WASF2: variants seen among roughly 807,000 people sequenced by gnomAD.
WASF2 encodes WASP family member 2, also known as actin-binding protein WASF2.
Under a neutral mutation model 45.0 loss-of-function variants are expected in WASF2, and 14 were observed. The ratio of observed to expected loss-of-function variants is 0.31; its 90% confidence interval spans 0.21 to 0.49. WASF2 has a LOEUF of 0.49. Among genes scored for constraint, WASF2 ranks in the 20% least tolerant of loss-of-function variants. The pLI is 0.99. For synonymous variants in WASF2, 200 were observed against 236.3 expected (o/e 0.85, Z 1.41); for missense variants, 439 against 636.1 (o/e 0.69, Z 3.33).
chr1:27,440,243 G>A (rs183861275), intron 1 of WASF2, among the ~76,000 whole-genome samples: 4 of 152,286 alleles, frequency 2.6e-5, no homozygotes, highest in Non-Finnish European at 5.9e-5. Context: ...GTTAAAATGG[G>A]GTGGGTATGG....
At chr1:27,489,117 A>C (rs1329647671) in intron 1 of WASF2, among the ~76,000 whole-genome samples, 1 of 151,868 alleles carries the variant, frequency 6.6e-6, no homozygotes, top group Non-Finnish European at 1.5e-5. Context: ...TTTCCCTCTC[A>C]GAGGCTCTAG....
intron 1 of WASF2, among the ~76,000 whole-genome samples, chr1:27,434,570 G>A (rs141693387): frequency 6.7e-4 from 102 of 152,250 alleles, no homozygotes; most frequent in African/African-American, 2.4e-3. Context: ...TAGGACCTGT[G>A]AGATCTAGAA....
At chr1:27,424,300 C>G (rs2148109054) in intron 2 of WASF2, among the ~76,000 whole-genome samples, 1 of 152,326 alleles carries the variant, frequency 6.6e-6, no homozygotes, top group East Asian at 1.9e-4. Context: ...CAAATGTAAC[C>G]TCTTCTGTGA....
At chr1:27,474,436 G>A (rs1267469656) in intron 1 of WASF2, among the ~76,000 whole-genome samples, 1 of 151,944 alleles carries the variant, frequency 6.6e-6, no homozygotes, top group Non-Finnish European at 1.5e-5. Flanking sequence ...AGGAGTTCAA[G>A]AATAGCCTAG....
At chr1:27,483,582 G>A (rs1247473022) in intron 1 of WASF2, among the ~76,000 whole-genome samples, 3 of 152,122 alleles carry the variant, frequency 2.0e-5, no homozygotes, top group African/African-American at 7.2e-5. Flanking sequence ...AGAGGTTACA[G>A]TGAGCCGAGA....
chr1:27,489,971 G>A lies in WASF2; in HGVS notation c.-44+15C>T, dbSNP rs1271753143. 1 of 152,272 alleles carries A rather than the reference G, an allele frequency of 6.6e-6. No individual in the cohort carries two copies. The highest frequency in any genetic ancestry group is 6.5e-5 in the Admixed American group (1 of 15,288). The allele number at this position is 152,272 out of a possible 1,614,324, so 9.4% of individuals were successfully genotyped here. ...GCCTCCCAGCGGGGTCTACCCAAGG[G>A]GACTTGTTGCTCACCTGGCCTCCCG... On this transcript the variant is annotated intron_variant, in intron 1 of 8. Coordinates refer to ENST00000618852, the MANE Select transcript of WASF2 (RefSeq NM_006990.5).
intron 1 of WASF2, among the ~76,000 whole-genome samples, chr1:27,480,514 T>TA (rs538477000): frequency 2.4e-4 from 35 of 143,970 alleles, no homozygotes; most frequent in African/African-American, 4.8e-4. Context: ...AGACTCCATC[T>TA]AAAAAAAAAA....
intron 1 of WASF2, among the ~76,000 whole-genome samples, chr1:27,446,828 G>C (rs1042063247): frequency 6.6e-6 from 1 of 151,186 alleles, no homozygotes; most frequent in Non-Finnish European, 1.5e-5. Flanking sequence ...ACAGTAGCCG[G>C]AACTTTCCAT....
At chr1:27,489,580 G>A (rs1228870114) in intron 1 of WASF2, among the ~76,000 whole-genome samples, 1 of 152,154 alleles carries the variant, frequency 6.6e-6, no homozygotes, top group Non-Finnish European at 1.5e-5. Flanking sequence ...GGAAGAACTT[G>A]TCCAAGATCT....
At chr1:27,428,997 G>GAA in intron 1 of WASF2, 64 bp from the exon 2 acceptor site, 1 of 772,674 alleles carries the variant, frequency 1.3e-6, no homozygotes, top group Non-Finnish European at 1.9e-6. Flanking sequence ...AGGGCTGTGT[G>GAA]AATCTTTTTT....
chr1:27,476,680 A>T (rs180991548), intron 1 of WASF2, among the ~76,000 whole-genome samples: 7 of 152,340 alleles, frequency 4.6e-5, no homozygotes, highest in African/African-American at 1.7e-4. Context: ...CAGAAATAAG[A>T]GAGTTGTGAC....
At chr1:27,412,510 C>A in intron 7 of WASF2, 62 bp downstream of exon 7, 4 of 1,601,168 alleles carry the variant, frequency 2.5e-6, no homozygotes, top group South Asian at 2.2e-5. Flanking sequence ...TGCTCCTGGT[C>A]CATTCTTTTG....
At chr1:27,458,807 A>T (rs2148129935) in intron 1 of WASF2, among the ~76,000 whole-genome samples, 1 of 151,976 alleles carries the variant, frequency 6.6e-6, no homozygotes, top group Middle Eastern at 3.4e-3. Context: ...AAAATAAAAA[A>T]TTAAAAAATT....
chr1:27,436,754 G>A (rs986131424), intron 1 of WASF2, among the ~76,000 whole-genome samples: 68 of 152,284 alleles, frequency 4.5e-4, no homozygotes, highest in African/African-American at 1.6e-3. Flanking sequence ...CTCTCTCCAA[G>A]CACAAGGAAT....
At chr1:27,438,459 T>C (rs1189846165) in intron 1 of WASF2, among the ~76,000 whole-genome samples, 2 of 152,238 alleles carry the variant, frequency 1.3e-5, no homozygotes, top group African/African-American at 4.8e-5. Context: ...GTTTTAATTG[T>C]TATGATGCCT....
intron 3 of WASF2, 74 bp downstream of exon 3, chr1:27,418,880 T>A (rs376816672): frequency 7.8e-5 from 117 of 1,501,112 alleles, no homozygotes; most frequent in Middle Eastern, 2.2e-4. Context: ...TTTTTTTTTT[T>A]AAATAAATCA....
chr1:27,472,674 A>G (rs984036685), intron 1 of WASF2, among the ~76,000 whole-genome samples: 7 of 117,002 alleles, frequency 6.0e-5, no homozygotes, highest in East Asian at 3.6e-4. Flanking sequence ...AAAAAAAAAA[A>G]GGGGAAATCA....
At position 27,404,793 on chromosome 1, in the gene WASF2, GCA is replaced by G. The variant is rs2016640570; in HGVS notation, c.*3394_*3395del. ...AAATTGTTCCCTAACCCACACTGAGGCACAGTTAAAGGGAACATGGTAGGAGG... is the reference window on the plus strand; with the variant it reads ...AAATTGTTCCCTAACCCACACTGAGGCAGTTAAAGGGAACATGGTAGGAGG... On this transcript the variant is annotated 3_prime_UTR_variant, in exon 9 of 9. Coordinates refer to ENST00000618852, the MANE Select transcript of WASF2 (RefSeq NM_006990.5). 1 of 152,188 alleles carries G rather than the reference GCA, an allele frequency of 6.6e-6. No homozygotes were observed. Among genetic ancestry groups the G allele is most frequent in the Admixed American group, 6.5e-5 (1 of 15,278 alleles). 9.4% of individuals were successfully genotyped at this position (152,188 alleles called of 1,614,324 possible).
chr1:27,439,644 T>C (rs192012288), intron 1 of WASF2, among the ~76,000 whole-genome samples: 148 of 152,138 alleles, frequency 9.7e-4, no homozygotes, highest in Non-Finnish European at 1.9e-3. Context: ...ATTATGACAA[T>C]AGAAAGGATG....
Sources: gnomAD v4.1 joint callset for allele counts (sites outside exome capture counted in the v4.1 genomes callset) on GRCh38, gnomAD v4.1.1 for gene constraint, MANE v1.5 for transcripts, NCBI Gene and HGNC (gene_info 2026-07-23, HGNC 2026-07-21) for gene names.